The following CCHCR1 variants were observed in gnomAD, a reference collection of about 807,000 sequenced individuals.
CCHCR1 encodes the protein coiled-coil alpha-helical rod protein 1.
Under a neutral mutation model 114.6 loss-of-function variants are expected in CCHCR1, and 91 were observed. The ratio of observed to expected loss-of-function variants is 0.79; its 90% CI spans 0.67 to 0.94. CCHCR1 has a LOEUF of 0.94. CCHCR1 is among the 40% of genes least tolerant of loss of function. The probability of loss-of-function intolerance (pLI) is 0.00; values close to 1 mark genes in which losing one functional copy is unlikely to be tolerated. For synonymous variants in CCHCR1, 379 were observed against 428.5 expected, an observed-to-expected ratio of 0.88 and a Z score of 1.43; for missense variants, 899 against 1,079.9, an observed-to-expected ratio of 0.83 and a Z score of 2.35.
intron 10 of CCHCR1, among the ~76,000 whole-genome samples, chr6:31,146,829 C>T (rs2151010446): frequency 6.6e-6 from 1 of 152,294 alleles, no homozygotes; most frequent in East Asian, 1.9e-4. Flanking sequence ...GTCCACAGTG[C>T]ATCTTTCTGT....
chr6:31,156,357 T>C (rs777922701), intron 3 of CCHCR1: 5 of 253,208 alleles, frequency 2.0e-5, no homozygotes, highest in African/African-American at 4.6e-5. Flanking sequence ...CAGCATGTCC[T>C]CTGTAAAGGC....
At chr6:31,152,239 G>A (rs112854135) in intron 4 of CCHCR1, among the ~76,000 whole-genome samples, 6,208 of 139,600 alleles carry the variant, frequency 0.044, 194 homozygotes, top group Non-Finnish European at 0.071. Flanking sequence ...CCAAGATCGC[G>A]CCACTGCACT....
Position 31,145,289 on chromosome 6 carries a change from G to A in CCHCR1, c.1753C>T (p.Pro585Ser). 1.9e-6 allele frequency: 3 copies of A among 1,614,018 alleles called. No homozygotes were observed. The highest frequency in any genetic ancestry group is 2.5e-6 in the Non-Finnish European group (3 of 1,179,942). ...TCAAGGCTCACGTCTGTGACCGGTG[G>A]TGGTAGGGGACAGCTGGGACGGGGA... ...QLRQESCPLP[P>S]PVTDVSLELQ... Residue 585 changes from proline (P) to serine (S), a missense_variant, in exon 13 of 18, where the codon CCA (proline) becomes TCA (serine). Coordinates refer to ENST00000396268, the MANE Select transcript of CCHCR1 (RefSeq NM_001105564.2).
At position 31,142,519 on chromosome 6, in the gene CCHCR1, C is replaced by G. The variant is rs1773682078; in HGVS notation, c.*73G>C. On this transcript the variant is annotated 3_prime_UTR_variant, in exon 18 of 18. Coordinates refer to ENST00000396268, the MANE Select transcript of CCHCR1 (RefSeq NM_001105564.2). The stretch of plus-strand genomic sequence containing the variant: ...AGGGCAACCCCAGGATGGGGAAGGG[C>G]TGGTCTGTCCCCACCCACTTCTCCA... The G allele has an allele frequency of 6.8e-7, 1 of 1,464,342 alleles. No individual in the cohort carries two copies. The highest frequency in any genetic ancestry group is 9.4e-7 in the Non-Finnish European group (1 of 1,067,534). 90.7% of individuals were successfully genotyped at this position (1,464,342 alleles called of 1,614,324 possible). A position where few individuals can be genotyped will look rare whatever the true frequency, so the allele number is the denominator to read the frequency against.
chr6:31,144,135 A>G lies in CCHCR1; in HGVS notation c.2167+552T>C, dbSNP rs1172930549. Among the ~76,000 whole-genome samples, 3 of 152,222 alleles carry G rather than the reference A, an allele frequency of 2.0e-5. No homozygotes were observed. The highest frequency in any genetic ancestry group is 4.8e-5 in the African/African-American group (2 of 41,450). On this transcript the variant is annotated intron_variant, in intron 15 of 17. Transcript: ENST00000396268. The surrounding 1 kb of genome is among the most constrained non-coding windows in gnomAD (Gnocchi z 4.6). ...GATGTACAAATATGTGTGTATATAG[A>G]TAAGAGACCAAATGTGGCAAATGTT...
At chr6:31,145,836 CCATGCCTCCCCT>C (rs769640349) in intron 10 of CCHCR1, 28 bp from the exon 11 acceptor site, 9 of 1,349,832 alleles carry the variant, frequency 6.7e-6, no homozygotes, top group Non-Finnish European at 5.3e-6. Flanking sequence ...CACTGATCCT[CCATGCCTCCCCT>C]CATTCCCAAA....
chr6:31,150,262 G>C lies in CCHCR1; in HGVS notation c.1213-47C>G. 6.3e-7 allele frequency: 1 copy of C among 1,595,532 alleles called. No individual in the cohort carries two copies. Among genetic ancestry groups the C allele is most frequent in the Non-Finnish European group, 8.6e-7 (1 of 1,165,340 alleles). On this transcript the variant is annotated intron_variant, in intron 7 of 17. Transcript: ENST00000396268. This position sits in a 1 kb window ranked among gnomAD's most constrained non-coding sequence, Gnocchi z 5.3. The stretch of plus-strand genomic sequence containing the variant: ...AAAAGTGTGGGCTCCTGGGGGAGGA[G>C]AGGAAGGAGGTGGCATCTTTGTTTC...
At chr6:31,145,127 T>C in intron 13 of CCHCR1, 39 bp downstream of exon 13, 2 of 1,607,236 alleles carry the variant, frequency 1.2e-6, no homozygotes, top group Admixed American at 3.3e-5. Flanking sequence ...GACACCGGGT[T>C]TTTCCTCATC....
At chr6:31,146,154 T>C (rs1018494207) in intron 10 of CCHCR1, among the ~76,000 whole-genome samples, 2 of 152,052 alleles carry the variant, frequency 1.3e-5, no homozygotes, top group African/African-American at 4.8e-5. Context: ...GAGACTAGCC[T>C]GGCCAACATG....
rs745730901 is a variant in CCHCR1 at position 31,148,442 on chromosome 6, C to T, written c.1543G>A (p.Glu515Lys). 5.0e-6 allele frequency: 8 copies of T among 1,612,126 alleles called. No homozygotes were observed. The highest frequency in any genetic ancestry group is 3.3e-5 in the South Asian group (3 of 91,018). Residue 515 changes from glutamate to lysine, a missense_variant, in exon 10 of 18, where the codon GAG (glutamate) becomes AAG (lysine). Coordinates refer to ENST00000396268, the MANE Select transcript of CCHCR1 (RefSeq NM_001105564.2). ...RRWQQQTASA[E>K]EQLRLVVNAV... ...TTGACCACAAGCCTCAGCTGCTCCT[C>T]GGCTGAGGCTGTCTGCTGCTGCCAC...
At chr6:31,145,612 G>A (rs1774220642) in intron 11 of CCHCR1, 84 bp downstream of exon 11, 20 of 1,419,470 alleles carry the variant, frequency 1.4e-5, no homozygotes, top group Non-Finnish European at 2.0e-5. Flanking sequence ...AATGGATGTG[G>A]GATCAGAGAG....
At position 31,143,579 on chromosome 6, in the gene CCHCR1, C is replaced by T. The variant is rs9263739; in HGVS notation, c.2168-166G>A. ...GTACAGTTGGAGGGGTGGGCTGATG[C>T]TCTAGGAGCCTGGGAATCTGAACCT... On this transcript the variant is annotated intron_variant, in intron 15 of 17. Coordinates refer to ENST00000396268, the MANE Select transcript of CCHCR1 (RefSeq NM_001105564.2). This position sits in a 1 kb window ranked among gnomAD's most constrained non-coding sequence, Gnocchi z 5.3. Among the ~76,000 whole-genome samples, 23,639 of 152,172 alleles carry T rather than the reference C, an allele frequency of 0.16. 1,927 individuals carry two copies. Among genetic ancestry groups the T allele is most frequent in the Non-Finnish European group, 0.17 (11,236 of 68,010 alleles).
chr6:31,153,316 C>T (rs1193453137), intron 4 of CCHCR1, among the ~76,000 whole-genome samples: 2 of 152,052 alleles, frequency 1.3e-5, no homozygotes, highest in African/African-American at 2.4e-5. Flanking sequence ...CTCCTTTGTC[C>T]ATTTTCTGAT....
Position 31,154,495 on chromosome 6 carries a change from C to T in CCHCR1, c.801+1G>A, listed in dbSNP as rs540712895. On this transcript the variant is annotated splice_donor_variant, in intron 4 of 17. Transcript: ENST00000396268. LOFTEE classifies it high-confidence loss of function. This position sits in a 1 kb window ranked among gnomAD's most constrained non-coding sequence, Gnocchi z 4.1. ...TGAATCCTTTCTACCCCTGCATTCA[C>T]CTGCTCTTGGTGCAGCCTCTGAACC... 11 of 1,606,406 alleles carry T rather than the reference C, an allele frequency of 6.8e-6. No individual in the cohort carries two copies. Among genetic ancestry groups the T allele is most frequent in the Middle Eastern group, 3.3e-4 (2 of 6,038 alleles).
chr6:31,155,321 T>C (rs1561825980), intron 3 of CCHCR1, among the ~76,000 whole-genome samples: 2 of 152,046 alleles, frequency 1.3e-5, no homozygotes, highest in Non-Finnish European at 1.5e-5. Context: ...AAGGCATTTA[T>C]TGGCTGGGCG....
chr6:31,156,078 CTCTT>C (rs1420150804), intron 3 of CCHCR1, among the ~76,000 whole-genome samples: 1 of 152,086 alleles, frequency 6.6e-6, no homozygotes, highest in Non-Finnish European at 1.5e-5. Context: ...ATCTGGCTCG[CTCTT>C]TCTTTCTTTC....
chr6:31,157,115 C>T (rs975748448), intron 1 of CCHCR1, 26 bp from the exon 2 acceptor site: 2 of 1,581,456 alleles, frequency 1.3e-6, no homozygotes, highest in South Asian at 1.1e-5. Flanking sequence ...AACAAAGACA[C>T]TCCAATTCAA....
At chr6:31,149,164 A>AG (rs1340574709) in intron 8 of CCHCR1, 12 of 151,408 alleles carry the variant, frequency 7.9e-5, no homozygotes, top group African/African-American at 1.5e-4. Context: ...AAAAAAAAAA[A>AG]AAAAAAAAAG....
intron 9 of CCHCR1, 31 bp from the exon 10 acceptor site, chr6:31,148,542 C>T (rs751658501): frequency 1.9e-6 from 3 of 1,598,354 alleles, no homozygotes; most frequent in Non-Finnish European, 2.6e-6. Context: ...GACAGGGTCC[C>T]TCCCTAAGTC....
Sources: allele counts gnomAD v4.1 joint callset (sites outside exome capture counted in the v4.1 genomes callset), GRCh38; gene constraint gnomAD v4.1.1; non-coding constraint Gnocchi (gnomAD v3.1); transcripts MANE v1.5; gene names NCBI Gene and HGNC (gene_info 2026-07-23, HGNC 2026-07-21).